The following RBBP6 variants were observed in gnomAD, a reference collection of about 807,000 sequenced individuals.
RBBP6 encodes RB binding protein 6, ubiquitin ligase, also known as E3 ubiquitin-protein ligase RBBP6.
Under a neutral mutation model 167.7 loss-of-function variants are expected in RBBP6, and 25 were observed. The ratio of observed to expected loss-of-function variants is 0.15; its 90% CI spans 0.11 to 0.21. The LOEUF (loss-of-function observed/expected upper bound fraction) is 0.21, where lower values mean the gene tolerates loss of function less well. Ranked by LOEUF, RBBP6 falls within the 10% of genes least tolerant of loss-of-function variation. The probability of loss-of-function intolerance (pLI) is 1.00; values close to 1 mark genes in which losing one functional copy is unlikely to be tolerated. For missense variants in RBBP6, 1,868 were observed against 2,134.2 expected (o/e 0.88, Z 2.46); for synonymous variants, 789 against 735.8 (o/e 1.07, Z -1.17).
At chr16:24,562,195 A>G (rs1217708055) in intron 10 of RBBP6, 34 bp downstream of exon 10, 1 of 1,518,866 alleles carries the variant, frequency 6.6e-7, no homozygotes, top group Non-Finnish European at 9.1e-7. Context: ...TTAGAAACCA[A>G]ATGAGGTCAA....
At position 24,570,916 on chromosome 16, in the gene RBBP6, G is replaced by GA. The variant is rs749074682; in HGVS notation, c.3856dup (p.Thr1286AsnfsTer9). ...AGGCAGTCCTGTGCGGAAATCTGAAGAAAAAACAGATACAAAGCGAACTGT... is the reference window on the plus strand; with the variant it reads ...AGGCAGTCCTGTGCGGAAATCTGAAGAAAAAAACAGATACAAAGCGAACTGT... On this transcript the variant is annotated frameshift_variant, in exon 18 of 18. Coordinates refer to ENST00000319715, the MANE Select transcript of RBBP6 (RefSeq NM_006910.5). LOFTEE classifies it high-confidence loss of function. 1.9e-6 allele frequency: 3 copies of GA among 1,586,188 alleles called. No individual in the cohort carries two copies. Among genetic ancestry groups the GA allele is most frequent in the South Asian group, 1.1e-5 (1 of 87,066 alleles).
chr16:24,560,659 G>A (rs151155754), intron 8 of RBBP6, among the ~76,000 whole-genome samples: 97 of 152,170 alleles, frequency 6.4e-4, no homozygotes, highest in African/African-American at 2.2e-3. Flanking sequence ...TAAATATTTG[G>A]GGGCAAGAAA....
chr16:24,572,343 A>C lies in RBBP6; in HGVS notation c.5277A>C (p.Lys1759Asn). Residue 1759 changes from lysine (K) to asparagine (N), a missense_variant, in exon 18 of 18, where the codon AAA (lysine) becomes AAC (asparagine). Physicochemically the swap from Lys to Asn is moderately conservative, Grantham distance 94. This residue lies in a region of RBBP6 where 591 missense variants were observed against 540.5 expected (regional missense o/e 1.09). Coordinates refer to ENST00000319715, the MANE Select transcript of RBBP6 (RefSeq NM_006910.5). ...CAGGCACTGAAGTGGAATTGGAAAAAAGCCAAAAACACAAACACAAGAAAA... is the reference window on the plus strand; with the variant it reads ...CAGGCACTGAAGTGGAATTGGAAAACAGCCAAAAACACAAACACAAGAAAA... ...KHAGTEVELE[K>N]SQKHKHKKKK... is the part of the protein sequence containing the mutation. 1 of 1,555,276 alleles carries C rather than the reference A, an allele frequency of 6.4e-7. No individual in the cohort carries two copies. The highest frequency in any genetic ancestry group is 2.4e-5 in the East Asian group (1 of 41,056).
chr16:24,571,115 A>G lies in RBBP6; in HGVS notation c.4049A>G (p.Lys1350Arg). Residue 1350 changes from lysine to arginine, a missense_variant, in exon 18 of 18, where the codon AAA (lysine) becomes AGA (arginine). Around this residue, in one of 7 missense-constraint regions of RBBP6, gnomAD observed 591 missense variants for 540.5 expected, o/e 1.09. Coordinates refer to ENST00000319715, the MANE Select transcript of RBBP6 (RefSeq NM_006910.5). ...SSVGKPASVI[K>R]NVSTKPSNIV... ...GTAGGAAAACCTGCTAGTGTTATAAAAAATGTTAGTACAAAGCCATCAAAT... is the reference window on the plus strand; with the variant it reads ...GTAGGAAAACCTGCTAGTGTTATAAGAAATGTTAGTACAAAGCCATCAAAT... The G allele has an allele frequency of 6.2e-7, 1 of 1,613,026 alleles. No individual in the cohort carries two copies.
Position 24,559,582 on chromosome 16 carries a change from A to G in RBBP6, c.752A>G (p.Asp251Gly). Residue 251 changes from aspartate (D) to glycine (G), a missense_variant, in exon 8 of 18, where the codon GAT becomes GGT. Transcript: ENST00000319715. ...EEPSSSSEED[D>G]PIPDELLCLI... ...CCATCTTCTTCCTCAGAAGAAGATG[A>G]TCCTATCCCAGATGAATTGTTGTGT... 6.2e-7 allele frequency: 1 copy of G among 1,608,668 alleles called. No individual in the cohort carries two copies. The highest frequency in any genetic ancestry group is 8.5e-7 in the Non-Finnish European group (1 of 1,177,286).
In RBBP6 at chr16:24,572,034, A is replaced by C; in HGVS notation, c.4968A>C (p.Glu1656Asp). 6.2e-7 allele frequency: 1 copy of C among 1,614,150 alleles called. No individual in the cohort carries two copies. The highest frequency in any genetic ancestry group is 2.2e-5 in the East Asian group (1 of 44,884). ...SESNVSVKEEESSGNISKDLK... is the reference protein window; with the variant it reads ...SESNVSVKEEDSSGNISKDLK... ...GTAATGTTTCTGTAAAAGAAGAGGA[A>C]TCTTCAGGAAACATTTCTAAGGACC... The change falls in exon 18 of 18, where the codon GAA (glutamate) becomes GAC (aspartate). Residue 1656 changes from glutamate to aspartate, a missense_variant. Transcript: ENST00000319715.
At chr16:24,549,235 C>T (rs1898739643) in intron 3 of RBBP6, 1 of 1,386,632 alleles carries the variant, frequency 7.2e-7, no homozygotes, top group Non-Finnish European at 9.3e-7. Flanking sequence ...CCCTGTATGA[C>T]ACTGTGTTGT....
At chr16:24,555,731 A>G (rs781521743) in intron 5 of RBBP6, 28 bp downstream of exon 5, 2 of 1,605,176 alleles carry the variant, frequency 1.2e-6, no homozygotes, top group Non-Finnish European at 1.7e-6. Flanking sequence ...TTATACTAAT[A>G]GGAACTTTTG....
At chr16:24,540,932 G>A (rs1430987631) in intron 1 of RBBP6, 140 bp downstream of exon 1, 15 of 1,058,074 alleles carry the variant, frequency 1.4e-5, no homozygotes, top group South Asian at 1.9e-5. Context: ...TTCATTGATA[G>A]CCAAGGTTTG....
chr16:24,570,827 T>G, intron 17 of RBBP6, 49 bp from the exon 18 acceptor site: 3 of 1,291,316 alleles, frequency 2.3e-6, no homozygotes, highest in Non-Finnish European at 2.0e-6. Context: ...TGTTTTATAA[T>G]TAATAGTAAA....
chr16:24,544,560 T>C (rs950069923), intron 1 of RBBP6, among the ~76,000 whole-genome samples: 4 of 152,354 alleles, frequency 2.6e-5, no homozygotes, highest in Non-Finnish European at 5.9e-5. Context: ...AGTCACTTTG[T>C]GCAGAGTAAC....
intron 7 of RBBP6, among the ~76,000 whole-genome samples, chr16:24,559,184 G>T (rs575136916): frequency 6.6e-6 from 1 of 152,112 alleles, no homozygotes; most frequent in African/African-American, 2.4e-5. Context: ...TCTTGTCTTT[G>T]TCACTTAAAT....
rs746795618 is a variant in RBBP6 at position 24,569,310 on chromosome 16, C to G, written c.2620C>G (p.Pro874Ala). The change falls in exon 17 of 18, where the codon CCC (proline) becomes GCC (alanine). Residue 874 changes from proline (P) to alanine (A), a missense_variant. Physicochemically the swap from Pro to Ala is conservative, Grantham distance 27. This residue lies in a region of RBBP6 where 673 missense variants were observed against 691.5 expected (regional missense o/e 0.97). Coordinates refer to ENST00000319715, the MANE Select transcript of RBBP6 (RefSeq NM_006910.5). The part of the protein sequence containing the change: ...RFLPLNIRNS[P>A]FTRGRREDYV... ...TTTGCCACTTAACATCAGGAATTCT[C>G]CCTTCACAAGAGGCCGCAGAGAAGA... The G allele has an allele frequency of 1.2e-6, 2 of 1,611,952 alleles. No homozygotes were observed. Among genetic ancestry groups the G allele is most frequent in the Non-Finnish European group, 1.7e-6 (2 of 1,179,574 alleles).
chr16:24,556,278 C>T (rs1383623635), intron 6 of RBBP6, 30 bp from the exon 7 acceptor site: 3 of 1,502,668 alleles, frequency 2.0e-6, no homozygotes, highest in Admixed American at 1.8e-5. Flanking sequence ...TTTTTCTCTT[C>T]CTCCTCCTCT....
Position 24,562,170 on chromosome 16 carries a change from G to A in RBBP6, c.1289+9G>A, listed in dbSNP as rs763491530. 6.3e-7 allele frequency: 1 copy of A among 1,589,954 alleles called. No homozygotes were observed. Among genetic ancestry groups the A allele is most frequent in the African/African-American group, 1.3e-5 (1 of 74,544 alleles). Reference sequence around the variant, plus strand: ...TCAGATGGACCTTTTCGGTAAGCCTGTGTGTTTTTCACTGTTAGAAACCAA... The same window carrying A: ...TCAGATGGACCTTTTCGGTAAGCCTATGTGTTTTTCACTGTTAGAAACCAA... On this transcript the variant is annotated intron_variant, in intron 10 of 17. Transcript: ENST00000319715.
In RBBP6 at chr16:24,571,169, A is replaced by C; in HGVS notation, c.4103A>C (p.Glu1368Ala). Reference sequence around the variant, plus strand: ...GTCAAGTATCCTGAGAAAGAAAGTGAGCCATCCGAGAAAATTCAGAAATTC... The same window carrying C: ...GTCAAGTATCCTGAGAAAGAAAGTGCGCCATCCGAGAAAATTCAGAAATTC... ...NIVKYPEKES[E>A]PSEKIQKFTK... Residue 1368 changes from glutamate to alanine, a missense_variant, in exon 18 of 18, where the codon GAG (glutamate) becomes GCG (alanine). Physicochemically the swap from Glu to Ala is moderately radical, Grantham distance 107. Transcript: ENST00000319715. 6.2e-7 allele frequency: 1 copy of C among 1,613,708 alleles called. No homozygotes were observed. The highest frequency in any genetic ancestry group is 1.3e-5 in the African/African-American group (1 of 75,046).
At position 24,572,528 on chromosome 16, in the gene RBBP6, A is replaced by T; in HGVS notation, c.*83A>T. Reference sequence around the variant, plus strand: ...TAATGTAAAGAGATTCAAGCCTTGTAAATAATGACATGGAAGACCCTGTGC... The same window carrying T: ...TAATGTAAAGAGATTCAAGCCTTGTTAATAATGACATGGAAGACCCTGTGC... On this transcript the variant is annotated 3_prime_UTR_variant, in exon 18 of 18. Transcript: ENST00000319715. The T allele has an allele frequency of 7.0e-7, 1 of 1,433,266 alleles. No individual in the cohort carries two copies. The highest frequency in any genetic ancestry group is 1.5e-5 in the South Asian group (1 of 65,648). 88.8% of individuals were successfully genotyped at this position (1,433,266 alleles called of 1,614,324 possible). A position where few individuals can be genotyped will look rare whatever the true frequency, so the allele number is the denominator to read the frequency against.
At position 24,572,185 on chromosome 16, in the gene RBBP6, T is replaced by C. The variant is rs142924274; in HGVS notation, c.5119T>C (p.Ser1707Pro). 9 of 1,613,664 alleles carry C rather than the reference T, an allele frequency of 5.6e-6. No homozygotes were observed. The highest frequency in any genetic ancestry group is 7.6e-6 in the Non-Finnish European group (9 of 1,179,864). ...SVSPSRSHSPSGSQTRSHSSS... is the reference protein window; with the variant it reads ...SVSPSRSHSPPGSQTRSHSSS... ...CAGCCCCAGCAGAAGCCACAGTCCTTCTGGAAGCCAGACCCGAAGCCACAG... is the reference window on the plus strand; with the variant it reads ...CAGCCCCAGCAGAAGCCACAGTCCTCCTGGAAGCCAGACCCGAAGCCACAG... Residue 1707 changes from serine to proline, a missense_variant, in exon 18 of 18, where the codon TCT (serine) becomes CCT (proline). By Grantham distance (74) the Ser-to-Pro change is moderately conservative. Coordinates refer to ENST00000319715, the MANE Select transcript of RBBP6 (RefSeq NM_006910.5).
At chr16:24,540,916 A>G in intron 1 of RBBP6, 124 bp downstream of exon 1, 1 of 1,195,474 alleles carries the variant, frequency 8.4e-7, no homozygotes, top group African/African-American at 1.5e-5. Flanking sequence ...TACTTTGGAT[A>G]CAACTTTCAT....
Sources: gnomAD v4.1 joint callset for allele counts (sites outside exome capture counted in the v4.1 genomes callset) on GRCh38, gnomAD v4.1.1 for gene constraint, gnomAD v4.1.1 regional missense constraint, MANE v1.5 for transcripts, NCBI Gene and HGNC (gene_info 2026-07-23, HGNC 2026-07-21) for gene names.